MYH15: variants seen among roughly 807,000 people sequenced by gnomAD.
The protein encoded by MYH15 is myosin-15.
MYH15 carries 227 observed loss-of-function variants against 240.5 expected under a neutral mutation model. The observed-to-expected ratio is 0.94, with a 90% CI of 0.85 to 1.05. The LOEUF (loss-of-function observed/expected upper bound fraction) is 1.05. MYH15 is among the 50% of genes least tolerant of loss of function. MYH15 has a pLI of 0.00. For missense variants in MYH15, 2,217 were observed against 2,247.5 expected (o/e 0.99, Z 0.27); for synonymous variants, 785 against 796.7 (o/e 0.99, Z 0.25).
chr3:108,526,192 T>C (rs974253444), intron 1 of MYH15, among the ~76,000 whole-genome samples: 4 of 152,164 alleles, frequency 2.6e-5, no homozygotes, highest in Admixed American at 1.3e-4. Context: ...AAACTCACCA[T>C]GCAGCACTTT....
At chr3:108,495,639 TGAGAAA>T in intron 7 of MYH15, 135 bp downstream of exon 7, 1 of 501,118 alleles carries the variant, frequency 2.0e-6, no homozygotes. Flanking sequence ...TAATTTTTTT[TGAGAAA>T]TCTAACATTA....
chr3:108,442,232 G>C (rs981049591), intron 22 of MYH15, among the ~76,000 whole-genome samples: 8 of 152,196 alleles, frequency 5.3e-5, no homozygotes, highest in African/African-American at 7.2e-5. Flanking sequence ...GATCAAGAGT[G>C]GGGGGCTGGG....
intron 15 of MYH15, among the ~76,000 whole-genome samples, chr3:108,463,943 G>C (rs541131198): frequency 6.6e-6 from 1 of 151,312 alleles, no homozygotes; most frequent in East Asian, 1.9e-4. Context: ...AACTGTCTCT[G>C]ACATACAGTG....
At chr3:108,519,497 A>G (rs1043711368) in intron 1 of MYH15, among the ~76,000 whole-genome samples, 1 of 152,180 alleles carries the variant, frequency 6.6e-6, no homozygotes, top group African/African-American at 2.4e-5. Flanking sequence ...TCACCAACCA[A>G]TAACAATGGA....
At chr3:108,488,697 T>A (rs1446404207) in intron 9 of MYH15, among the ~76,000 whole-genome samples, 2 of 152,170 alleles carry the variant, frequency 1.3e-5, no homozygotes, top group Non-Finnish European at 2.9e-5. Flanking sequence ...CATGGACACT[T>A]AGGTTTTTTC....
intron 12 of MYH15, 22 bp downstream of exon 12, chr3:108,476,375 T>C (rs752900641): frequency 2.3e-6 from 3 of 1,331,192 alleles, no homozygotes; most frequent in Non-Finnish European, 2.2e-6. Context: ...AGAATAATAA[T>C]GCTCTTGAAA....
chr3:108,447,443 AAGAG>A (rs757542322), intron 21 of MYH15, among the ~76,000 whole-genome samples: 8 of 152,136 alleles, frequency 5.3e-5, no homozygotes, highest in Non-Finnish European at 1.2e-4. Flanking sequence ...TCAAAAGTCA[AAGAG>A]AGAATTTTGA....
rs776810608 is a variant in MYH15 at position 108,444,786 on chromosome 3, C to T, written c.2509G>A (p.Val837Ile). The T allele has an allele frequency of 3.1e-5, 50 of 1,614,002 alleles. No individual in the cohort carries two copies. The highest frequency in any genetic ancestry group is 3.3e-4 in the Middle Eastern group (2 of 6,082). ...KIKPLVKSSE[V>I]GEEVAGLKEE... ...TTCAGTCCAGCTACTTCTTCTCCTA[C>T]TTCTGAAGATTTAACAAGAGGCTTG... Residue 837 changes from valine (V) to isoleucine (I), a missense_variant, in exon 22 of 41, where the codon GTA (valine) becomes ATA (isoleucine). Transcript: ENST00000693548.
At chr3:108,506,063 T>C (rs780147234) in intron 1 of MYH15, among the ~76,000 whole-genome samples, 30 of 152,050 alleles carry the variant, frequency 2.0e-4, no homozygotes, top group Non-Finnish European at 3.8e-4. Flanking sequence ...GGGGGCACCA[T>C]AGACCATTTT....
At chr3:108,464,603 G>T in intron 15 of MYH15, 35 bp downstream of exon 15, 1 of 1,558,814 alleles carries the variant, frequency 6.4e-7, no homozygotes, top group East Asian at 2.3e-5. Context: ...ACAAAGTCAG[G>T]AAAATTCAAG....
chr3:108,499,651 G>A (rs1313127853), intron 4 of MYH15, among the ~76,000 whole-genome samples, 169 bp from the exon 5 acceptor site: 2 of 152,062 alleles, frequency 1.3e-5, no homozygotes, highest in East Asian at 1.9e-4. Flanking sequence ...GGGTAAAATC[G>A]ATTTTCTCTT....
intron 25 of MYH15, among the ~76,000 whole-genome samples, chr3:108,435,837 TACAC>T (rs34885657): frequency 0.017 from 2,567 of 147,314 alleles, 59 homozygotes; most frequent in African/African-American, 0.054. Flanking sequence ...TGTATATGTA[TACAC>T]ACACACACAC....
chr3:108,502,552 A>C (rs2083446483), intron 2 of MYH15, among the ~76,000 whole-genome samples: 1 of 152,116 alleles, frequency 6.6e-6, no homozygotes, highest in Non-Finnish European at 1.5e-5. Flanking sequence ...ATAGTTATTA[A>C]AGCACCTATC....
At chr3:108,499,530 T>C in intron 4 of MYH15, 48 bp from the exon 5 acceptor site, 1 of 1,569,576 alleles carries the variant, frequency 6.4e-7, no homozygotes, top group Non-Finnish European at 8.8e-7. Flanking sequence ...TCGATATTTA[T>C]GTATTAGTAT....
At chr3:108,401,439 G>A (rs1442271281) in intron 33 of MYH15, among the ~76,000 whole-genome samples, 1 of 152,188 alleles carries the variant, frequency 6.6e-6, no homozygotes. Flanking sequence ...TGATCTTGAA[G>A]CTTTAGTCTC....
At chr3:108,405,542 T>C (rs2082540313) in intron 32 of MYH15, 89 bp from the exon 33 acceptor site, 1 of 718,492 alleles carries the variant, frequency 1.4e-6, no homozygotes, top group Non-Finnish European at 2.1e-6. Flanking sequence ...CTAATGTAGC[T>C]CTCTTAGAGT....
chr3:108,415,044 ATTC>A (rs1157814626), intron 29 of MYH15, among the ~76,000 whole-genome samples: 2 of 152,312 alleles, frequency 1.3e-5, no homozygotes, highest in East Asian at 3.9e-4. Flanking sequence ...TCAAAACTGA[ATTC>A]TTAATTTTAT....
intron 1 of MYH15, among the ~76,000 whole-genome samples, chr3:108,526,605 T>G (rs754330918): frequency 3.9e-5 from 6 of 152,192 alleles, no homozygotes; most frequent in Non-Finnish European, 5.9e-5. Context: ...AAGCCAATAA[T>G]AATTGCATTC....
chr3:108,455,701 G>A (rs372213247), intron 20 of MYH15, 35 bp downstream of exon 20: 132 of 1,607,174 alleles, frequency 8.2e-5, no homozygotes, highest in Non-Finnish European at 9.5e-5. Context: ...CCCCCCATTC[G>A]TCTCCAAATG....
Sources: allele counts gnomAD v4.1 joint callset (sites outside exome capture counted in the v4.1 genomes callset), GRCh38; gene constraint gnomAD v4.1.1; transcripts MANE v1.5; gene names NCBI Gene and HGNC (gene_info 2026-07-23, HGNC 2026-07-21).